UBL3: variants seen among roughly 807,000 people sequenced by gnomAD.
The protein encoded by UBL3 is ubiquitin-like protein 3.
Under a neutral mutation model 18.4 loss-of-function variants are expected in UBL3, and 6 were observed. That is an observed-to-expected ratio of 0.33 (90% CI 0.18 to 0.64). The LOEUF is 0.64. Among genes scored for constraint, UBL3 ranks in the 30% least tolerant of loss-of-function variants. The pLI, the probability that UBL3 is intolerant of heterozygous loss-of-function variation, is 0.76. For synonymous variants in UBL3, 49 were observed against 46.6 expected (o/e 1.05, Z -0.21); for missense variants, 109 against 142.9 (o/e 0.76, Z 1.21).
At position 29,788,429 on chromosome 13, in the gene UBL3, G is replaced by C. The variant is rs907041629; in HGVS notation, c.28-11166C>G. On this transcript the variant is annotated intron_variant, in intron 1 of 4. Transcript: ENST00000380680. ...AGAATTCATCCAGTTCATAGATAAG[G>C]AAAAGACAAGGACAGAGATGCCCTG... Among the ~76,000 whole-genome samples, 10 of 152,192 alleles carry C rather than the reference G, an allele frequency of 6.6e-5. No individual in the cohort carries two copies. The East Asian group carries it at 1.4e-3, about 21-fold the overall frequency.
At chr13:29,796,407 TA>T (rs1004715664) in intron 1 of UBL3, among the ~76,000 whole-genome samples, 51 of 152,190 alleles carry the variant, frequency 3.4e-4, no homozygotes, top group African/African-American at 1.2e-3. Context: ...AATTATAAAT[TA>T]AACAGATTCA....
chr13:29,816,924 T>C (rs1345082613), intron 1 of UBL3, among the ~76,000 whole-genome samples: 3 of 152,188 alleles, frequency 2.0e-5, no homozygotes, highest in African/African-American at 7.2e-5. Flanking sequence ...ACTGCTGCTA[T>C]ACCTAACTGC....
chr13:29,839,861 A>C (rs1879053606), intron 1 of UBL3, among the ~76,000 whole-genome samples: 1 of 149,654 alleles, frequency 6.7e-6, no homozygotes, highest in East Asian at 2.0e-4. Flanking sequence ...CGGGAGGCGG[A>C]GCTTGCAGTG....
intron 1 of UBL3, among the ~76,000 whole-genome samples, chr13:29,816,750 G>A (rs1458225663): frequency 1.2e-5 from 1 of 86,242 alleles, no homozygotes; most frequent in African/African-American, 4.6e-5. Context: ...GCAAGACCCT[G>A]TCTCAAAAAA....
rs200224260 is a variant in UBL3, at chr13:29,814,593, G to GC, written c.27+34918dup. On this transcript the variant is annotated intron_variant, in intron 1 of 4. Transcript: ENST00000380680. ...CACTCTTTTCCAAGCACTGTAATAG[G>GC]CCCAAGATGTAAGGGCCTATTATAA... 9.0e-3 allele frequency among the ~76,000 whole-genome samples: 1,373 copies of GC among 152,008 alleles called. 20 individuals are homozygous for GC. Among genetic ancestry groups the GC allele is most frequent in the African/African-American group, 0.032 (1,316 of 41,466 alleles).
chr13:29,786,986 A>C (rs1308039938), intron 1 of UBL3, among the ~76,000 whole-genome samples: 1 of 152,212 alleles, frequency 6.6e-6, no homozygotes, highest in African/African-American at 2.4e-5. Flanking sequence ...GACTCATTTT[A>C]AAATGTAGGT....
At chr13:29,835,692 T>C (rs368326924) in intron 1 of UBL3, among the ~76,000 whole-genome samples, 1 of 139,542 alleles carries the variant, frequency 7.2e-6, no homozygotes, top group Admixed American at 7.9e-5. Flanking sequence ...GAGGCGGAGG[T>C]TGCAGTGAGT....
chr13:29,787,299 A>G (rs538746391), intron 1 of UBL3, among the ~76,000 whole-genome samples: 1 of 152,300 alleles, frequency 6.6e-6, no homozygotes, highest in South Asian at 2.1e-4. Context: ...CCTAATAGTT[A>G]GATATTATCA....
chr13:29,787,578 C>T (rs1877356420), intron 1 of UBL3, among the ~76,000 whole-genome samples: 2 of 152,094 alleles, frequency 1.3e-5, no homozygotes, highest in African/African-American at 4.8e-5. Flanking sequence ...ACTTTAAAAC[C>T]TGACTGTAGG....
At chr13:29,781,204 C>T (rs1034249435) in intron 1 of UBL3, among the ~76,000 whole-genome samples, 3 of 152,026 alleles carry the variant, frequency 2.0e-5, no homozygotes, top group African/African-American at 7.2e-5. Context: ...AATAGTGCTT[C>T]TGACAGTTTA....
At chr13:29,813,197 T>G (rs1014893096) in intron 1 of UBL3, among the ~76,000 whole-genome samples, 1 of 152,062 alleles carries the variant, frequency 6.6e-6, no homozygotes. Context: ...ACTATGAATC[T>G]TATTATCAAT....
chr13:29,775,996 G>A (rs1360134115), intron 2 of UBL3, among the ~76,000 whole-genome samples: 1 of 151,940 alleles, frequency 6.6e-6, no homozygotes, highest in Non-Finnish European at 1.5e-5. Context: ...ATGGTTACTG[G>A]CTTGAAAATG....
chr13:29,786,159 A>G (rs1290707217), intron 1 of UBL3, among the ~76,000 whole-genome samples: 2 of 152,186 alleles, frequency 1.3e-5, no homozygotes, highest in Non-Finnish European at 2.9e-5. Context: ...CTGAGCCCAC[A>G]GCACCTAGCT....
intron 1 of UBL3, among the ~76,000 whole-genome samples, chr13:29,779,997 G>A (rs981134264): frequency 1.3e-5 from 2 of 152,090 alleles, no homozygotes; most frequent in Non-Finnish European, 1.5e-5. Context: ...AGAGCAAGAA[G>A]GCAATGGTAT....
Position 29,764,545 on chromosome 13 carries a change from A to C in UBL3, c.*2710T>G, listed in dbSNP as rs1441602266. On this transcript the variant is annotated 3_prime_UTR_variant, in exon 5 of 5. Transcript: ENST00000380680. ...AAATGTTATGAGGAAACTTCATTTA[A>C]CGTGAATGGTAATGTTAGATACTGT... 2 of 152,246 alleles carry C rather than the reference A, an allele frequency of 1.3e-5. No homozygotes were observed. Among genetic ancestry groups the C allele is most frequent in the African/African-American group, 4.8e-5 (2 of 41,464 alleles). 9.4% of individuals were successfully genotyped at this position (152,246 alleles called of 1,614,324 possible). A position where few individuals can be genotyped will look rare whatever the true frequency, so the allele number is the denominator to read the frequency against.
chr13:29,829,506 T>C lies in UBL3; in HGVS notation c.27+20006A>G, dbSNP rs145582381. On this transcript the variant is annotated intron_variant, in intron 1 of 4. Coordinates refer to ENST00000380680, the MANE Select transcript of UBL3 (RefSeq NM_007106.4). ...TCCAAGCCAGGCGCGGGATATAATC[T>C]TCTGGTGTTCCGTTTGCTAAGACCG... Among the ~76,000 whole-genome samples, 177 of 152,262 alleles carry C rather than the reference T, an allele frequency of 1.2e-3. 1 individual carries two copies. The highest frequency in any genetic ancestry group is 3.3e-3 in the African/African-American group (139 of 41,536).
chr13:29,772,072 T>C lies in UBL3; in HGVS notation c.223+40A>G, dbSNP rs546151425. On this transcript the variant is annotated intron_variant, in intron 3 of 4. Transcript: ENST00000380680. The stretch of plus-strand genomic sequence containing the variant: ...TTAAAACAAGCGAATCATGCTACCA[T>C]GAGACAGACATTAAATCCCATTACA... The C allele has an allele frequency of 3.7e-5, 56 of 1,518,684 alleles. No homozygotes were observed. In the East Asian group the frequency reaches 1.2e-3, roughly 32 times the overall value. 94.1% of individuals were successfully genotyped at this position (1,518,684 alleles called of 1,614,324 possible). A position where few individuals can be genotyped will look rare whatever the true frequency, so the allele number is the denominator to read the frequency against.
intron 1 of UBL3, among the ~76,000 whole-genome samples, chr13:29,825,772 C>T (rs1177206811): frequency 2.0e-5 from 3 of 152,128 alleles, no homozygotes; most frequent in Non-Finnish European, 4.4e-5. Context: ...CTGTCTTGTG[C>T]CAGTTTTCAA....
At chr13:29,772,920 T>G (rs1468380387) in intron 2 of UBL3, among the ~76,000 whole-genome samples, 1 of 152,130 alleles carries the variant, frequency 6.6e-6, no homozygotes, top group Non-Finnish European at 1.5e-5. Context: ...TAATTTATAT[T>G]ATTGTAAAAG....
Sources: allele counts gnomAD v4.1 joint callset (sites outside exome capture counted in the v4.1 genomes callset), GRCh38; gene constraint gnomAD v4.1.1; transcripts MANE v1.5; gene names NCBI Gene and HGNC (gene_info 2026-07-23, HGNC 2026-07-21).